MEI4: variants seen among roughly 807,000 people sequenced by gnomAD.
MEI4 encodes the protein meiotic double-stranded break formation protein 4, also known as meiosis-specific protein MEI4.
In MEI4, 27 loss-of-function variants were observed where a neutral mutation model predicts 31.4. The observed-to-expected ratio is 0.86, with a 90% confidence interval of 0.63 to 1.19. MEI4 has a LOEUF of 1.19. Among genes scored for constraint, MEI4 ranks in the 50% most tolerant of loss-of-function variants. MEI4 has a pLI of 0.00. For synonymous variants in MEI4, 122 were observed against 145.4 expected (o/e 0.84, Z 1.16); for missense variants, 329 against 398.9 (o/e 0.82, Z 1.49).
intron 2 of MEI4, among the ~76,000 whole-genome samples, chr6:77,700,145 G>A (rs915790901): frequency 6.6e-6 from 1 of 152,224 alleles, no homozygotes; most frequent in African/African-American, 2.4e-5. Context: ...ATTTAAGTCT[G>A]CAGAGGCTAC....
chr6:77,656,481 T>C (rs1017177831), intron 1 of MEI4, among the ~76,000 whole-genome samples: 17 of 152,188 alleles, frequency 1.1e-4, no homozygotes, highest in African/African-American at 3.6e-4. Flanking sequence ...GTGTACTTTA[T>C]GTTCTATTAT....
intron 2 of MEI4, among the ~76,000 whole-genome samples, chr6:77,719,289 CTTTAGGTCTAAAT>C (rs2127662966): frequency 7.3e-6 from 1 of 137,058 alleles, no homozygotes; most frequent in Admixed American, 7.4e-5. Context: ...CAAGGTTTCC[CTTTAGGTCTAAAT>C]TTTAGTGATC....
At chr6:77,673,674 A>C (rs996762310) in intron 1 of MEI4, among the ~76,000 whole-genome samples, 1 of 152,212 alleles carries the variant, frequency 6.6e-6, no homozygotes, top group Admixed American at 6.5e-5. Context: ...TTAGGTGATG[A>C]GTACTCCAAC....
chr6:77,804,201 C>T (rs555916166), intron 3 of MEI4, among the ~76,000 whole-genome samples: 1 of 152,146 alleles, frequency 6.6e-6, no homozygotes, highest in Non-Finnish European at 1.5e-5. Context: ...CTCGCTACCG[C>T]CTTGCAGTTT....
chr6:77,789,090 A>G (rs1160589999), intron 3 of MEI4, among the ~76,000 whole-genome samples: 1 of 152,224 alleles, frequency 6.6e-6, no homozygotes, highest in African/African-American at 2.4e-5. Flanking sequence ...GAGCCCTCAG[A>G]AATAACACTG....
At chr6:77,761,728 G>A in intron 3 of MEI4, 63 bp downstream of exon 3, 1 of 1,109,356 alleles carries the variant, frequency 9.0e-7, no homozygotes, top group Non-Finnish European at 1.1e-6. Flanking sequence ...ATCTCTTTGG[G>A]TAATGTCTGT....
chr6:77,911,828 G>A (rs1766441970), intron 4 of MEI4, among the ~76,000 whole-genome samples: 1 of 151,118 alleles, frequency 6.6e-6, no homozygotes, highest in African/African-American at 2.4e-5. Flanking sequence ...ATAGTGCTTT[G>A]ATGAACACGT....
chr6:77,872,801 A>G (rs903466095), intron 4 of MEI4, among the ~76,000 whole-genome samples: 4 of 142,036 alleles, frequency 2.8e-5, no homozygotes, highest in Admixed American at 7.5e-5. Flanking sequence ...TCATTGTTCA[A>G]TTCCCACCTA....
At chr6:77,676,099 A>C (rs932323404) in intron 1 of MEI4, among the ~76,000 whole-genome samples, 2 of 152,154 alleles carry the variant, frequency 1.3e-5, no homozygotes, top group Non-Finnish European at 2.9e-5. Flanking sequence ...AGATTTTCTG[A>C]AATTTTGTTC....
At chr6:77,731,720 T>G (rs1043684322) in intron 2 of MEI4, among the ~76,000 whole-genome samples, 4 of 151,434 alleles carry the variant, frequency 2.6e-5, no homozygotes, top group African/African-American at 9.7e-5. Context: ...ATGTCCTGAA[T>G]AGTAATGCTT....
In MEI4 at chr6:77,898,173, C is replaced by T. The variant is rs543967620; in HGVS notation, c.901-24916C>T. 9.4e-4 allele frequency among the ~76,000 whole-genome samples: 143 copies of T among 152,058 alleles called. 1 individual carries two copies. Among genetic ancestry groups the T allele is most frequent in the Admixed American group, 2.3e-3 (35 of 15,240 alleles). On this transcript the variant is annotated intron_variant, in intron 4 of 4. Transcript: ENST00000684080. ...TTTGTTAGCTGCTTTGGTGCTTTCT[C>T]CTATGCTTCAGAAGTTTCAAGCTAG...
intron 2 of MEI4, among the ~76,000 whole-genome samples, chr6:77,736,586 A>G (rs1278875653): frequency 2.0e-5 from 3 of 152,054 alleles, no homozygotes; most frequent in Non-Finnish European, 4.4e-5. Flanking sequence ...TGCAGAAATC[A>G]TTCGTCTTCT....
rs576619940 is a variant in MEI4, at chr6:77,656,802, T to TA, written c.-15+3717dup. On this transcript the variant is annotated intron_variant, in intron 1 of 4. Coordinates refer to ENST00000684080, the MANE Select transcript of MEI4 (RefSeq NM_001322247.2). Reference sequence around the variant, plus strand: ...ATTCTTATAAAGATTATCTTTTAATTAAAAAAATTCACTCACTATCCATCA... The same window carrying TA: ...ATTCTTATAAAGATTATCTTTTAATTAAAAAAAATTCACTCACTATCCATCA... Among the ~76,000 whole-genome samples the TA allele has an allele frequency of 9.9e-5, 15 of 152,230 alleles. No individual in the cohort carries two copies. The South Asian group carries it at 2.7e-3, about 27-fold the overall frequency.
intron 1 of MEI4, among the ~76,000 whole-genome samples, chr6:77,672,113 T>C (rs1768754171): frequency 6.6e-6 from 1 of 152,184 alleles, no homozygotes; most frequent in South Asian, 2.1e-4. Context: ...ATCTTTCTAC[T>C]GGCGGGCGAA....
At chr6:77,748,132 T>C (rs1371978535) in intron 2 of MEI4, among the ~76,000 whole-genome samples, 2 of 152,170 alleles carry the variant, frequency 1.3e-5, no homozygotes, top group African/African-American at 4.8e-5. Flanking sequence ...GGATCTACTA[T>C]TCTGGGATCT....
intron 1 of MEI4, among the ~76,000 whole-genome samples, chr6:77,666,742 T>G (rs1768641502): frequency 6.6e-6 from 1 of 151,006 alleles, no homozygotes; most frequent in Non-Finnish European, 1.5e-5. Flanking sequence ...TGGTGATTTT[T>G]AGAATTGATT....
chr6:77,837,336 C>T (rs1325210148), intron 4 of MEI4, among the ~76,000 whole-genome samples: 1 of 152,096 alleles, frequency 6.6e-6, no homozygotes, highest in African/African-American at 2.4e-5. Context: ...TGCTAACTTG[C>T]AGGTAAAACA....
At chr6:77,790,564 GA>G in intron 3 of MEI4, among the ~76,000 whole-genome samples, 1 of 151,494 alleles carries the variant, frequency 6.6e-6, no homozygotes, top group South Asian at 2.1e-4. Flanking sequence ...TATAAAAATA[GA>G]AAAACTAAAA....
At chr6:77,759,630 C>T (rs1252423536) in intron 2 of MEI4, among the ~76,000 whole-genome samples, 1 of 152,132 alleles carries the variant, frequency 6.6e-6, no homozygotes, top group East Asian at 1.9e-4. Flanking sequence ...CATACTTTCA[C>T]TTCATTGCCC....
Sources: allele counts gnomAD v4.1 joint callset (sites outside exome capture counted in the v4.1 genomes callset), GRCh38; gene constraint gnomAD v4.1.1; transcripts MANE v1.5; gene names NCBI Gene and HGNC (gene_info 2026-07-23, HGNC 2026-07-21).